IFITM2: variants seen among roughly 807,000 people sequenced by gnomAD.
IFITM2 encodes interferon induced transmembrane protein 2.
In IFITM2, 3 loss-of-function variants were observed where a neutral mutation model predicts 5.9. The observed-to-expected ratio is 0.51, with a 90% CI of 0.23 to 1.32. The LOEUF (loss-of-function observed/expected upper bound fraction) is 1.32. Ranked by LOEUF, IFITM2 falls within the 40% of genes most tolerant of loss-of-function variation. The pLI is 0.18. For synonymous variants in IFITM2, 76 were observed against 72.4 expected (o/e 1.05, Z -0.25); for missense variants, 159 against 175.9 (o/e 0.90, Z 0.54).
Position 308,399 on chromosome 11 carries a change from C to G in IFITM2, c.207C>G (p.Thr69=), listed in dbSNP as rs1166752232. The change falls in exon 1 of 2, where the codon ACC becomes ACG. Residue 69 remains threonine, a synonymous_variant. Transcript: ENST00000616316. ...WSLFNTLFMN[T]CCLGFIAFAY... is the part of the protein sequence containing the mutation. Reference sequence around the variant, plus strand: ...TGTTCAACACCCTCTTCATGAACACCTGCTGCCTGGGCTTCATAGCATTCG... The same window carrying G: ...TGTTCAACACCCTCTTCATGAACACGTGCTGCCTGGGCTTCATAGCATTCG... 1.9e-6 allele frequency: 3 copies of G among 1,613,820 alleles called. 1 individual carries two copies. Among genetic ancestry groups the G allele is most frequent in the South Asian group, 2.2e-5 (2 of 91,066 alleles).
Position 309,316 on chromosome 11 carries a change from C to G in IFITM2, c.*151C>G. ...CACCTTCCATTCCTCGCCCTGTCCC[C>G]ACAGCCGAGTCCTGCATCAGCCCTT... is the stretch of plus-strand genomic sequence containing the variant. On this transcript the variant is annotated 3_prime_UTR_variant, in exon 2 of 2. Transcript: ENST00000616316. 1 of 1,551,014 alleles carries G rather than the reference C, an allele frequency of 6.4e-7. No homozygotes were observed. The highest frequency in any genetic ancestry group is 8.7e-7 in the Non-Finnish European group (1 of 1,145,744).
In IFITM2 at chr11:308,406, C is replaced by T. The variant is rs1328685953; in HGVS notation, c.214C>T (p.Leu72=). Residue 72 remains leucine (L), a synonymous_variant, in exon 1 of 2, where the codon CTG becomes TTG. Transcript: ENST00000616316. ...CACCCTCTTCATGAACACCTGCTGC[C>T]TGGGCTTCATAGCATTCGCGTACTC... ...FNTLFMNTCC[L]GFIAFAYSVK... 6.2e-7 allele frequency: 1 copy of T among 1,613,766 alleles called. No individual in the cohort carries two copies. The highest frequency in any genetic ancestry group is 2.2e-5 in the East Asian group (1 of 44,858).
In IFITM2 at chr11:308,392, T is replaced by TGA; in HGVS notation, c.201_202dup (p.Asn68ArgfsTer9). The TGA allele has an allele frequency of 6.2e-7, 1 of 1,613,874 alleles. No homozygotes were observed. The highest frequency in any genetic ancestry group is 8.5e-7 in the Non-Finnish European group (1 of 1,179,844). On this transcript the variant is annotated frameshift_variant, in exon 1 of 2. Coordinates refer to ENST00000616316, the MANE Select transcript of IFITM2 (RefSeq NM_006435.3). LOFTEE classifies it low-confidence loss of function (END_TRUNC). The stretch of plus-strand genomic sequence containing the variant: ...TGGTCCCTGTTCAACACCCTCTTCA[T>TGA]GAACACCTGCTGCCTGGGCTTCATA...
rs1413787995 is a variant in IFITM2, at chr11:309,272, A to T, written c.*107A>T. On this transcript the variant is annotated 3_prime_UTR_variant, in exon 2 of 2. Coordinates refer to ENST00000616316, the MANE Select transcript of IFITM2 (RefSeq NM_006435.3). Reference sequence around the variant, plus strand: ...CCAGAGGCCAGGAGCTCTGCCCTTGACCTGTATTCCACTTACTCCACCTTC... The same window carrying T: ...CCAGAGGCCAGGAGCTCTGCCCTTGTCCTGTATTCCACTTACTCCACCTTC... 2 of 1,601,190 alleles carry T rather than the reference A, an allele frequency of 1.2e-6. No homozygotes were observed. Among genetic ancestry groups the T allele is most frequent in the African/African-American group, 2.7e-5 (2 of 74,656 alleles).
Position 308,412 on chromosome 11 carries a change from T to A in IFITM2, c.220T>A (p.Phe74Ile). The A allele has an allele frequency of 6.2e-7, 1 of 1,613,752 alleles. No homozygotes were observed. The highest frequency in any genetic ancestry group is 8.5e-7 in the Non-Finnish European group (1 of 1,179,770). ...CTTCATGAACACCTGCTGCCTGGGC[T>A]TCATAGCATTCGCGTACTCCGTGAA... ...TLFMNTCCLG[F>I]IAFAYSVKSR... is the part of the protein sequence containing the mutation. Residue 74 changes from phenylalanine to isoleucine, a missense_variant, in exon 1 of 2, where the codon TTC becomes ATC. By Grantham distance (21) the Phe-to-Ile change is conservative (BLOSUM62 0). Transcript: ENST00000616316.
In IFITM2 at chr11:309,217, G is replaced by C; in HGVS notation, c.*52G>C. ...GCTCTGCCCGTGACCTGTATCCCAC[G>C]TACTCTATCTTCCATTCCTCGCCCT... On this transcript the variant is annotated 3_prime_UTR_variant, in exon 2 of 2. Coordinates refer to ENST00000616316, the MANE Select transcript of IFITM2 (RefSeq NM_006435.3). 1.1e-5 allele frequency: 17 copies of C among 1,613,662 alleles called. No homozygotes were observed. Among genetic ancestry groups the C allele is most frequent in the Non-Finnish European group, 1.4e-5 (17 of 1,179,870 alleles).
chr11:309,274 C>T lies in IFITM2; in HGVS notation c.*109C>T. On this transcript the variant is annotated 3_prime_UTR_variant, in exon 2 of 2. Transcript: ENST00000616316. Reference sequence around the variant, plus strand: ...AGAGGCCAGGAGCTCTGCCCTTGACCTGTATTCCACTTACTCCACCTTCCA... The same window carrying T: ...AGAGGCCAGGAGCTCTGCCCTTGACTTGTATTCCACTTACTCCACCTTCCA... 6.3e-7 allele frequency: 1 copy of T among 1,598,150 alleles called. No individual in the cohort carries two copies. Among genetic ancestry groups the T allele is most frequent in the Non-Finnish European group, 8.5e-7 (1 of 1,172,156 alleles).
In IFITM2 at chr11:309,221, T is replaced by A. The variant is rs533934826; in HGVS notation, c.*56T>A. 1.9e-6 allele frequency: 3 copies of A among 1,613,840 alleles called. No individual in the cohort carries two copies. The Admixed American group carries it at 5.0e-5, about 27-fold the overall frequency. The stretch of plus-strand genomic sequence containing the variant: ...TGCCCGTGACCTGTATCCCACGTAC[T>A]CTATCTTCCATTCCTCGCCCTGCCC... On this transcript the variant is annotated 3_prime_UTR_variant, in exon 2 of 2. Coordinates refer to ENST00000616316, the MANE Select transcript of IFITM2 (RefSeq NM_006435.3).
chr11:309,289 T>C lies in IFITM2; in HGVS notation c.*124T>C. ...TGCCCTTGACCTGTATTCCACTTAC[T>C]CCACCTTCCATTCCTCGCCCTGTCC... On this transcript the variant is annotated 3_prime_UTR_variant, in exon 2 of 2. Transcript: ENST00000616316. 6.3e-7 allele frequency: 1 copy of C among 1,584,778 alleles called. No homozygotes were observed. The highest frequency in any genetic ancestry group is 8.6e-7 in the Non-Finnish European group (1 of 1,165,082).
rs1845988193 is a variant in IFITM2, at chr11:308,285, G to A, written c.93G>A (p.Leu31=). The A allele has an allele frequency of 6.2e-7, 1 of 1,613,874 alleles. No individual in the cohort carries two copies. The highest frequency in any genetic ancestry group is 1.7e-5 in the Admixed American group (1 of 59,994). ...AGGAGGAGCAGGAAGTGGCTATGCT[G>A]GGGGTGCCCCACAACCCTGCTCCCC... The part of the protein sequence containing the change: ...MLKEEQEVAM[L]GVPHNPAPPM... The change falls in exon 1 of 2, where the codon CTG becomes CTA. Residue 31 remains leucine, a synonymous_variant. Transcript: ENST00000616316.
In IFITM2 at chr11:308,425, C is replaced by T. The variant is rs749693069; in HGVS notation, c.233C>T (p.Ala78Val). 5.6e-6 allele frequency: 9 copies of T among 1,613,690 alleles called. No homozygotes were observed. The highest frequency in any genetic ancestry group is 1.1e-5 in the South Asian group (1 of 91,058). The stretch of plus-strand genomic sequence containing the variant: ...TGCTGCCTGGGCTTCATAGCATTCG[C>T]GTACTCCGTGAAGGTGCGTATGGCC... ...NTCCLGFIAF[A>V]YSVKSRDRKM... Residue 78 changes from alanine to valine, a missense_variant, in exon 1 of 2, where the codon GCG becomes GTG. Coordinates refer to ENST00000616316, the MANE Select transcript of IFITM2 (RefSeq NM_006435.3).
rs1250636875 is a variant in IFITM2 at position 308,182 on chromosome 11, C to T, written c.-11C>T. ...AGAACCATCCCGGTAACCCGATCAC[C>T]GCTGGTCACCATGAACCACATTGTG... On this transcript the variant is annotated 5_prime_UTR_variant, in exon 1 of 2. Transcript: ENST00000616316. 18 of 1,611,270 alleles carry T rather than the reference C, an allele frequency of 1.1e-5. No homozygotes were observed. The highest frequency in any genetic ancestry group is 1.4e-5 in the Non-Finnish European group (17 of 1,177,714).
At position 309,288 on chromosome 11, in the gene IFITM2, C is replaced by T. The variant is rs775066955; in HGVS notation, c.*123C>T. 8 of 1,586,056 alleles carry T rather than the reference C, an allele frequency of 5.0e-6. No homozygotes were observed. In the South Asian group the frequency reaches 8.0e-5, roughly 16 times the overall value. On this transcript the variant is annotated 3_prime_UTR_variant, in exon 2 of 2. Transcript: ENST00000616316. ...CTGCCCTTGACCTGTATTCCACTTACTCCACCTTCCATTCCTCGCCCTGTC... is the reference window on the plus strand; with the variant it reads ...CTGCCCTTGACCTGTATTCCACTTATTCCACCTTCCATTCCTCGCCCTGTC...
intron 1 of IFITM2, 45 bp from the exon 2 acceptor site, chr11:308,968 C>G (rs777506124): frequency 3.7e-6 from 6 of 1,603,874 alleles, no homozygotes; most frequent in Non-Finnish European, 3.4e-6. Context: ...GCACGCGGCT[C>G]TCAGCTGGGG....
Position 308,037 on chromosome 11 carries a change from T to C in IFITM2, c.-156T>C. ...CTCTTTCCTCCCTCTCCTAAAGTAATTTGATCCTCAGGAATTTGTTCTGCC... is the reference window on the plus strand; with the variant it reads ...CTCTTTCCTCCCTCTCCTAAAGTAACTTGATCCTCAGGAATTTGTTCTGCC... On this transcript the variant is annotated 5_prime_UTR_variant, in exon 1 of 2. Transcript: ENST00000616316. The C allele has an allele frequency of 1.1e-6, 1 of 934,702 alleles. No individual in the cohort carries two copies. Among genetic ancestry groups the C allele is most frequent in the Non-Finnish European group, 1.6e-6 (1 of 614,626 alleles). The allele number at this position is 934,702 out of a possible 1,614,324, so 57.9% of individuals were successfully genotyped here.
At position 308,991 on chromosome 11, in the gene IFITM2, C is replaced by T. The variant is rs576918297; in HGVS notation, c.247-22C>T. On this transcript the variant is annotated intron_variant, in intron 1 of 1. Coordinates refer to ENST00000616316, the MANE Select transcript of IFITM2 (RefSeq NM_006435.3). ...CTCTCAGCTGGGGGATCCTGGTCCC[C>T]TCACCATCTCCTCTCCCCCAGTCTA... 1.1e-5 allele frequency: 17 copies of T among 1,608,506 alleles called. No individual in the cohort carries two copies. In the South Asian group the frequency reaches 1.7e-4, roughly 16 times the overall value.
intron 1 of IFITM2, 72 bp from the exon 2 acceptor site, chr11:308,941 G>A: frequency 6.2e-7 from 1 of 1,603,430 alleles, no homozygotes; most frequent in Non-Finnish European, 8.5e-7. Context: ...AGGAGACAGT[G>A]AGGAGCTGGA....
chr11:309,144 G>T lies in IFITM2; in HGVS notation c.378G>T (p.Leu126Phe), dbSNP rs532389119. The T allele has an allele frequency of 2.5e-6, 4 of 1,614,170 alleles. No individual in the cohort carries two copies. The South Asian group carries it at 3.3e-5, about 13-fold the overall frequency. ...TTCTGCTCATCATCATCCCAGTGTT[G>T]GTCGTCCAGGCCCAGCGATAGATCA... ...MTILLIIIPV[L>F]VVQAQR Residue 126 changes from leucine (L) to phenylalanine (F), a missense_variant, in exon 2 of 2, where the codon TTG becomes TTT. By Grantham distance (22) the Leu-to-Phe change is conservative. Transcript: ENST00000616316.
At position 308,009 on chromosome 11, in the gene IFITM2, CCCCTCTTTCCT is replaced by C; in HGVS notation, c.-177_-167del. ...AGAGGAAGCCCCTCTTAGCCCTCAG[CCCCTCTTTCCT>C]CCCTCTCCTAAAGTAATTTGATCCT... On this transcript the variant is annotated 5_prime_UTR_variant, in exon 1 of 2. It introduces an in-frame stop codon into an upstream open reading frame of the 5' UTR. Transcript: ENST00000616316. 2 of 716,216 alleles carry C rather than the reference CCCCTCTTTCCT, an allele frequency of 2.8e-6. No individual in the cohort carries two copies. Among genetic ancestry groups the C allele is most frequent in the Non-Finnish European group, 4.6e-6 (2 of 432,792 alleles). The allele number at this position is 716,216 out of a possible 1,614,324, so 44.4% of individuals were successfully genotyped here.
Sources: allele counts gnomAD v4.1 joint callset, GRCh38; gene constraint gnomAD v4.1.1; transcripts MANE v1.5; gene names NCBI Gene and HGNC (gene_info 2026-07-23, HGNC 2026-07-21).